Variants in MARK2 observed in about 807,000 individuals in gnomAD.
MARK2 encodes serine/threonine-protein kinase MARK2.
MARK2 carries 16 observed loss-of-function variants against 89.8 expected under a neutral mutation model. The ratio of observed to expected loss-of-function variants is 0.18; its 90% CI spans 0.12 to 0.27. The LOEUF is 0.27. Among genes scored for constraint, MARK2 ranks in the 10% least tolerant of loss-of-function variants. The probability of loss-of-function intolerance (pLI) is 1.00; values close to 1 mark genes in which losing one functional copy is unlikely to be tolerated. For synonymous variants in MARK2, 382 were observed against 399.5 expected (o/e 0.96, Z 0.52); for missense variants, 621 against 1,049.9 (o/e 0.59, Z 5.65).
chr11:63,869,134 G>A, intron 1 of MARK2: 1 of 319,368 alleles, frequency 3.1e-6, no homozygotes, highest in African/African-American at 2.2e-5. Flanking sequence ...TGGTGAAGAA[G>A]GCACCAGCTG....
intron 1 of MARK2, among the ~76,000 whole-genome samples, chr11:63,847,871 G>A (rs1440925989): frequency 6.6e-6 from 1 of 152,198 alleles, no homozygotes; most frequent in African/African-American, 2.4e-5. Flanking sequence ...TCATTTATGG[G>A]TCTGGGAGGG....
intron 1 of MARK2, among the ~76,000 whole-genome samples, chr11:63,840,946 CT>C (rs2015983858): frequency 6.6e-6 from 1 of 152,108 alleles, no homozygotes; most frequent in East Asian, 1.9e-4. Context: ...CTTTCCACAC[CT>C]CCCCTTTCTT....
Position 63,903,968 on chromosome 11 carries a change from G to A in MARK2, c.1515-18G>A, listed in dbSNP as rs763612800. 5.5e-5 allele frequency: 87 copies of A among 1,589,178 alleles called. No homozygotes were observed. Among genetic ancestry groups the A allele is most frequent in the Middle Eastern group, 1.7e-4 (1 of 5,976 alleles). Reference sequence around the variant, plus strand: ...ACTCACCCCTAACACGGGCCTCTCCGCTGCTTTTGTTTCCTAGCCTAACCA... The same window carrying A: ...ACTCACCCCTAACACGGGCCTCTCCACTGCTTTTGTTTCCTAGCCTAACCA... On this transcript the variant is annotated intron_variant, in intron 14 of 18. Transcript: ENST00000402010. The surrounding 1 kb of genome is among the most constrained non-coding windows in gnomAD (Gnocchi z 5.1).
intron 17 of MARK2, 73 bp downstream of exon 17, chr11:63,906,187 C>T: frequency 8.0e-7 from 1 of 1,248,874 alleles, no homozygotes; most frequent in Non-Finnish European, 1.0e-6. Context: ...CCATCACTAA[C>T]TCCCCTTTTC....
chr11:63,847,328 G>C (rs2016334983), intron 1 of MARK2, among the ~76,000 whole-genome samples: 1 of 152,228 alleles, frequency 6.6e-6, no homozygotes, highest in South Asian at 2.1e-4. Context: ...GATTTGGTAG[G>C]AGAGGAGGGG....
At chr11:63,855,697 A>G (rs946817644) in intron 1 of MARK2, among the ~76,000 whole-genome samples, 4 of 152,148 alleles carry the variant, frequency 2.6e-5, no homozygotes, top group Non-Finnish European at 5.9e-5. Context: ...GTTGAACTCT[A>G]TTTTTCAACT....
chr11:63,846,363 A>G (rs7946503), intron 1 of MARK2, among the ~76,000 whole-genome samples: 73,326 of 150,588 alleles, frequency 0.49, 20,021 homozygotes, highest in East Asian at 0.88. Context: ...CAAAAAAAAA[A>G]TTTTTTTTTT....
chr11:63,903,332 C>T lies in MARK2; in HGVS notation c.1514+174C>T. On this transcript the variant is annotated intron_variant, in intron 14 of 18. Coordinates refer to ENST00000402010, the MANE Select transcript of MARK2 (RefSeq NM_001039469.3). The surrounding 1 kb of genome is among the most constrained non-coding windows in gnomAD (Gnocchi z 5.1). The stretch of plus-strand genomic sequence containing the variant: ...CCTCCCCTATTCCACGCCATTGCCT[C>T]CTCCCCATCTTCCTCTGACTGCTAC... 1.6e-6 allele frequency: 1 copy of T among 607,348 alleles called. No homozygotes were observed. Among genetic ancestry groups the T allele is most frequent in the Non-Finnish European group, 3.0e-6 (1 of 338,820 alleles). 37.6% of individuals were successfully genotyped at this position (607,348 alleles called of 1,614,324 possible).
chr11:63,861,952 T>C (rs1937822197), intron 1 of MARK2, among the ~76,000 whole-genome samples: 1 of 142,656 alleles, frequency 7.0e-6, no homozygotes, highest in Non-Finnish European at 1.5e-5. Context: ...AGACGGTGTT[T>C]CGCTCTTGTT....
In MARK2 at chr11:63,902,714, A is replaced by G; in HGVS notation, c.1348A>G (p.Thr450Ala). ...DRESGRKASSTAKVPASPLPG... is the reference protein window; with the variant it reads ...DRESGRKASSAAKVPASPLPG... ...GGAGTCAGGGCGGAAAGCCAGCAGCACAGCCAAGGTGCCTGCCAGCCCCCT... is the reference window on the plus strand; with the variant it reads ...GGAGTCAGGGCGGAAAGCCAGCAGCGCAGCCAAGGTGCCTGCCAGCCCCCT... Residue 450 changes from threonine (T) to alanine (A), a missense_variant, in exon 13 of 19, where the codon ACA becomes GCA. Thr to Ala is a moderately conservative substitution (Grantham distance 58). Around this residue, in one of 5 missense-constraint regions of MARK2, gnomAD observed 397 missense variants for 567.8 expected, o/e 0.70. Transcript: ENST00000402010. The surrounding 1 kb of genome is among the most constrained non-coding windows in gnomAD (Gnocchi z 4.2). 1 of 1,614,114 alleles carries G rather than the reference A, an allele frequency of 6.2e-7. No homozygotes were observed. The highest frequency in any genetic ancestry group is 8.5e-7 in the Non-Finnish European group (1 of 1,180,006).
chr11:63,893,714 T>C (rs1940114791), intron 1 of MARK2, among the ~76,000 whole-genome samples: 1 of 152,194 alleles, frequency 6.6e-6, no homozygotes, highest in Non-Finnish European at 1.5e-5. Flanking sequence ...CTCCAAAATC[T>C]AAACTTTTTG....
intron 1 of MARK2, among the ~76,000 whole-genome samples, chr11:63,859,147 AG>A (rs1228241283): frequency 6.6e-6 from 1 of 152,038 alleles, no homozygotes; most frequent in Non-Finnish European, 1.5e-5. Context: ...ACGCTTACAC[AG>A]CTTCTATCCT....
Position 63,895,167 on chromosome 11 carries a change from G to A in MARK2, c.63G>A (p.Leu21=). The change falls in exon 2 of 19, where the codon TTG becomes TTA. Residue 21 remains leucine, a synonymous_variant. Coordinates refer to ENST00000402010, the MANE Select transcript of MARK2 (RefSeq NM_001039469.3). ...CTGTTTCCACCCCGCAGCCCACCTT[G>A]GGACACCTTGACTCCAAGCCCAGCA... is the stretch of plus-strand genomic sequence containing the variant. ...LNERDTEQPT[L]GHLDSKPSSK... 2 of 1,612,506 alleles carry A rather than the reference G, an allele frequency of 1.2e-6. No individual in the cohort carries two copies. Among genetic ancestry groups the A allele is most frequent in the Non-Finnish European group, 1.7e-6 (2 of 1,178,934 alleles).
Position 63,908,290 on chromosome 11 carries a change from A to G in MARK2, c.1992A>G (p.Arg664=), listed in dbSNP as rs753074758. 6.4e-7 allele frequency: 1 copy of G among 1,564,702 alleles called. No individual in the cohort carries two copies. The highest frequency in any genetic ancestry group is 8.7e-7 in the Non-Finnish European group (1 of 1,153,846). ...RNLNEPESKD[R]VETLRPHVVG... ...TGAATGAACCTGAAAGCAAAGACCG[A>G]GTGGAGACGCTCAGGTGAGAGGGCT... The change falls in exon 18 of 19, where the codon CGA becomes CGG. Residue 664 remains arginine (R), a synonymous_variant. Coordinates refer to ENST00000402010, the MANE Select transcript of MARK2 (RefSeq NM_001039469.3).
intron 1 of MARK2, among the ~76,000 whole-genome samples, chr11:63,894,830 AGGGAGGCAGGGTACCGG>A (rs1940232763): frequency 6.6e-6 from 1 of 152,162 alleles, no homozygotes; most frequent in South Asian, 2.1e-4. Context: ...GGCAGCATGG[AGGGAGGCAGGGTACCGG>A]CTCTCCCTCC....
Position 63,910,647 on chromosome 11 carries a change from A to ATTTTTTTTTTTTTTTTTT in MARK2, c.*1414_*1415insTTTTTTTTTTTTTTTTTT, listed in dbSNP as rs1454725572. The ATTTTTTTTTTTTTTTTTT allele has an allele frequency of 2.8e-5, 1 of 36,184 alleles. No individual in the cohort carries two copies. Among genetic ancestry groups the ATTTTTTTTTTTTTTTTTT allele is most frequent in the Non-Finnish European group, 6.5e-5 (1 of 15,390 alleles). 2.2% of individuals were successfully genotyped at this position (36,184 alleles called of 1,614,324 possible). A position where few individuals can be genotyped will look rare whatever the true frequency, so the allele number is the denominator to read the frequency against. On this transcript the variant is annotated 3_prime_UTR_variant, in exon 19 of 19. Coordinates refer to ENST00000402010, the MANE Select transcript of MARK2 (RefSeq NM_001039469.3). ...GATGGGTTTTATTTTTTATTATTTT[A>ATTTTTTTTTTTTTTTTTT]TTTTATTTTTTTTTTTTTTGATTTA...
intron 1 of MARK2, among the ~76,000 whole-genome samples, chr11:63,857,831 A>G (rs940130186): frequency 7.2e-5 from 11 of 152,054 alleles, no homozygotes; most frequent in Non-Finnish European, 1.6e-4. Flanking sequence ...ACTTTGGTTG[A>G]TACATTTTTT....
At chr11:63,863,106 C>G (rs776630470) in intron 1 of MARK2, among the ~76,000 whole-genome samples, 6 of 152,164 alleles carry the variant, frequency 3.9e-5, no homozygotes, top group African/African-American at 1.4e-4. Context: ...GAGCTGAACT[C>G]TGGACATCCT....
chr11:63,886,431 CTT>C (rs113239220), intron 1 of MARK2, among the ~76,000 whole-genome samples: 1 of 142,868 alleles, frequency 7.0e-6, no homozygotes. Context: ...CCCCGTGTGG[CTT>C]TTTTTTTTTG....
Sources: allele counts gnomAD v4.1 joint callset (sites outside exome capture counted in the v4.1 genomes callset), GRCh38; gene constraint gnomAD v4.1.1; regional missense constraint gnomAD v4.1.1; non-coding constraint Gnocchi (gnomAD v3.1); transcripts MANE v1.5; gene names NCBI Gene and HGNC (gene_info 2026-07-23, HGNC 2026-07-21).